Variants in SYT1 observed in about 807,000 individuals in gnomAD.
SYT1 encodes the protein synaptotagmin 1.
A neutral mutation model predicts 44.8 loss-of-function variants in SYT1; 8 were observed. That is an observed-to-expected ratio of 0.18 (90% CI 0.10 to 0.32). The LOEUF (loss-of-function observed/expected upper bound fraction) is 0.32, where lower values mean the gene tolerates loss of function less well. Among genes scored for constraint, SYT1 ranks in the 10% least tolerant of loss-of-function variants. The pLI is 1.00. For synonymous variants in SYT1, 154 were observed against 188.8 expected (o/e 0.82, Z 1.51); for missense variants, 286 against 509.3 (o/e 0.56, Z 4.22).
intron 9 of SYT1, among the ~76,000 whole-genome samples, chr12:79,363,643 G>A (rs1405341293): frequency 1.3e-5 from 2 of 151,398 alleles, no homozygotes; most frequent in Non-Finnish European, 2.9e-5. Flanking sequence ...GCTGAGGTGA[G>A]AAGATCTCTC....
chr12:78,870,008 G>T (rs771392481), intron 1 of SYT1, among the ~76,000 whole-genome samples: 7 of 152,100 alleles, frequency 4.6e-5, no homozygotes, highest in African/African-American at 1.4e-4. Flanking sequence ...TAAAGCAGAT[G>T]AAGATATAAA....
intron 2 of SYT1, among the ~76,000 whole-genome samples, chr12:79,002,542 T>C (rs894200475): frequency 1.3e-5 from 2 of 152,086 alleles, no homozygotes; most frequent in Non-Finnish European, 2.9e-5. Context: ...GAATGAAGTT[T>C]GGCTTTTGAC....
At chr12:79,059,486 A>G (rs1180876336) in intron 3 of SYT1, among the ~76,000 whole-genome samples, 1 of 152,152 alleles carries the variant, frequency 6.6e-6, no homozygotes, top group Admixed American at 6.6e-5. Context: ...ATATGAAAGA[A>G]ATCGTTATTT....
chr12:79,182,538 C>A (rs1872599616), intron 3 of SYT1, among the ~76,000 whole-genome samples: 1 of 151,966 alleles, frequency 6.6e-6, no homozygotes, highest in Non-Finnish European at 1.5e-5. Flanking sequence ...ATCAACAAAG[C>A]CTGAGAGTAA....
intron 3 of SYT1, among the ~76,000 whole-genome samples, chr12:79,161,397 A>G (rs992211623): frequency 1.4e-4 from 21 of 152,282 alleles, no homozygotes. Flanking sequence ...AGGCTACACC[A>G]TATAACCTAG....
At chr12:79,406,714 T>C (rs556079129) in intron 9 of SYT1, among the ~76,000 whole-genome samples, 1 of 152,226 alleles carries the variant, frequency 6.6e-6, no homozygotes, top group Non-Finnish European at 1.5e-5. Context: ...TACTTGATAG[T>C]GGTGTAATCT....
At chr12:79,406,206 A>G (rs552507889) in intron 9 of SYT1, among the ~76,000 whole-genome samples, 1 of 152,264 alleles carries the variant, frequency 6.6e-6, no homozygotes, top group African/African-American at 2.4e-5. Flanking sequence ...CATTATGGAC[A>G]GGTGGTCAGA....
intron 2 of SYT1, among the ~76,000 whole-genome samples, chr12:78,990,944 T>C (rs927371937): frequency 6.6e-6 from 1 of 152,156 alleles, no homozygotes; most frequent in Non-Finnish European, 1.5e-5. Flanking sequence ...GAATAAAGTA[T>C]TGAAATAAAA....
rs188934033 is a variant in SYT1, at chr12:79,192,674, T to C, written c.-17-24829T>C. On this transcript the variant is annotated intron_variant, in intron 3 of 10. Coordinates refer to ENST00000261205, the MANE Select transcript of SYT1 (RefSeq NM_005639.3). ...AATGACCTTGCTGGTAGGTGAAGTA[T>C]TTTGCGAAACCATTCTGGCTCACTT... Among the ~76,000 whole-genome samples the C allele has an allele frequency of 1.9e-3, 289 of 152,228 alleles. 2 individuals are homozygous for C. Among genetic ancestry groups the C allele is most frequent in the African/African-American group, 6.6e-3 (275 of 41,554 alleles).
intron 8 of SYT1, among the ~76,000 whole-genome samples, chr12:79,308,148 G>T (rs917720476): frequency 6.6e-6 from 1 of 152,216 alleles, no homozygotes; most frequent in Non-Finnish European, 1.5e-5. Context: ...TCCTTTCGCT[G>T]TAAGTCATGC....
intron 8 of SYT1, among the ~76,000 whole-genome samples, chr12:79,325,022 T>A (rs1881546667): frequency 2.0e-5 from 3 of 152,224 alleles, no homozygotes. Flanking sequence ...TTTTGTTTCC[T>A]TTTCCTGGCC....
chr12:79,238,606 G>C (rs1876326560), intron 4 of SYT1, among the ~76,000 whole-genome samples: 1 of 152,180 alleles, frequency 6.6e-6, no homozygotes, highest in Non-Finnish European at 1.5e-5. Flanking sequence ...ACAAGATGCA[G>C]GGCAATTGGG....
chr12:79,040,858 C>T (rs1228314448), intron 2 of SYT1, among the ~76,000 whole-genome samples: 2 of 150,716 alleles, frequency 1.3e-5, no homozygotes, highest in East Asian at 3.9e-4. Context: ...CCAGTTTTCC[C>T]AGCACCATTT....
intron 2 of SYT1, among the ~76,000 whole-genome samples, chr12:78,994,379 G>A (rs542004619): frequency 3.3e-5 from 5 of 152,066 alleles, no homozygotes; most frequent in African/African-American, 1.2e-4. Flanking sequence ...TTGTCCCTTT[G>A]TAAGACATTC....
intron 4 of SYT1, among the ~76,000 whole-genome samples, chr12:79,224,955 A>G (rs750382302): frequency 6.6e-6 from 1 of 151,504 alleles, no homozygotes; most frequent in Non-Finnish European, 1.5e-5. Flanking sequence ...AATTTTTTGT[A>G]TTTTTAGTAG....
At chr12:78,923,932 G>C (rs567141148) in intron 1 of SYT1, among the ~76,000 whole-genome samples, 2 of 151,960 alleles carry the variant, frequency 1.3e-5, no homozygotes, top group African/African-American at 4.8e-5. Flanking sequence ...TATAGCTAAA[G>C]AAAATATCAT....
chr12:78,894,725 C>T (rs1165204781), intron 1 of SYT1, among the ~76,000 whole-genome samples: 1 of 151,488 alleles, frequency 6.6e-6, no homozygotes, highest in Non-Finnish European at 1.5e-5. Flanking sequence ...AAGTCAAACT[C>T]ATAGAAACAG....
chr12:79,092,787 T>C (rs1877867675), intron 3 of SYT1, among the ~76,000 whole-genome samples: 1 of 151,706 alleles, frequency 6.6e-6, no homozygotes, highest in South Asian at 2.1e-4. Context: ...TTTGGGGCTA[T>C]AACTGACTGC....
intron 8 of SYT1, among the ~76,000 whole-genome samples, chr12:79,306,498 A>G (rs985614842): frequency 6.6e-6 from 1 of 152,216 alleles, no homozygotes; most frequent in Non-Finnish European, 1.5e-5. Context: ...TGGGAAAGTG[A>G]TGAGATGGAT....
Sources: gnomAD v4.1 joint callset for allele counts (sites outside exome capture counted in the v4.1 genomes callset) on GRCh38, gnomAD v4.1.1 for gene constraint, MANE v1.5 for transcripts, NCBI Gene and HGNC (gene_info 2026-07-23, HGNC 2026-07-21) for gene names.